The following REEP3 variants were observed in gnomAD, a reference collection of about 807,000 sequenced individuals.
REEP3 encodes the protein receptor expression-enhancing protein 3.
REEP3 carries 20 observed loss-of-function variants against 41.3 expected under a neutral mutation model. The observed-to-expected ratio is 0.48, with a 90% CI of 0.34 to 0.70. The LOEUF (loss-of-function observed/expected upper bound fraction) is 0.70. REEP3 is among the 30% of genes least tolerant of loss of function. REEP3 has a pLI of 0.01. For synonymous variants in REEP3, 104 were observed against 101.8 expected (o/e 1.02, Z -0.13); for missense variants, 271 against 308.8 (o/e 0.88, Z 0.92).
intron 1 of REEP3, among the ~76,000 whole-genome samples, chr10:63,543,748 G>C (rs1036992401): frequency 1.3e-5 from 2 of 152,086 alleles, no homozygotes; most frequent in Non-Finnish European, 2.9e-5. Flanking sequence ...CACAGTTTCC[G>C]TTTTAAAGCA....
At chr10:63,581,881 T>A (rs1589875510) in intron 2 of REEP3, among the ~76,000 whole-genome samples, 1 of 151,812 alleles carries the variant, frequency 6.6e-6, no homozygotes, top group South Asian at 2.1e-4. Context: ...TTTTTTTTTT[T>A]AGCTTTTTGG....
intron 1 of REEP3, among the ~76,000 whole-genome samples, chr10:63,532,818 T>C (rs2133342057): frequency 6.6e-6 from 1 of 151,826 alleles, no homozygotes; most frequent in South Asian, 2.1e-4. Context: ...GGTGGAAGGA[T>C]CCCTTGAGCC....
chr10:63,532,784 G>A (rs1033591315), intron 1 of REEP3, among the ~76,000 whole-genome samples: 1 of 152,112 alleles, frequency 6.6e-6, no homozygotes, highest in Non-Finnish European at 1.5e-5. Context: ...TGCAGTCCCA[G>A]CTACTCAGTA....
At chr10:63,619,612 G>GT in intron 6 of REEP3, 43 bp from the exon 7 acceptor site, 1 of 1,561,042 alleles carries the variant, frequency 6.4e-7, no homozygotes, top group Non-Finnish European at 8.7e-7. Context: ...GCGCTGACTG[G>GT]TGTCCTTTTA....
chr10:63,598,175 T>G (rs1282948377), intron 4 of REEP3, 31 bp downstream of exon 4: 9 of 1,500,412 alleles, frequency 6.0e-6, no homozygotes, highest in Non-Finnish European at 8.2e-6. Flanking sequence ...CCGTAAATAA[T>G]TTTTTAGAAA....
At chr10:63,577,510 A>G (rs1955908203) in intron 2 of REEP3, among the ~76,000 whole-genome samples, 1 of 151,620 alleles carries the variant, frequency 6.6e-6, no homozygotes, top group South Asian at 2.1e-4. Context: ...TGCAAGCTCC[A>G]CCTCCTGGGT....
chr10:63,540,269 C>T (rs1190917163), intron 1 of REEP3, among the ~76,000 whole-genome samples: 1 of 152,130 alleles, frequency 6.6e-6, no homozygotes, highest in Non-Finnish European at 1.5e-5. Context: ...ATTTATATTT[C>T]CAGTTAGTAT....
At chr10:63,572,885 T>G (rs2133381470) in intron 2 of REEP3, among the ~76,000 whole-genome samples, 1 of 152,356 alleles carries the variant, frequency 6.6e-6, no homozygotes, top group South Asian at 2.1e-4. Context: ...TATCAAATAT[T>G]GTGCTTAATA....
At chr10:63,551,366 G>A (rs555661683) in intron 1 of REEP3, among the ~76,000 whole-genome samples, 13 of 152,244 alleles carry the variant, frequency 8.5e-5, no homozygotes, top group Admixed American at 6.5e-4. Context: ...ATAAATAAAT[G>A]AATACAGGAG....
In REEP3 at chr10:63,562,273, T is replaced by A. The variant is rs989464024; in HGVS notation, c.33-4065T>A. Among the ~76,000 whole-genome samples the A allele has an allele frequency of 5.9e-5, 9 of 151,576 alleles. No individual in the cohort carries two copies. The East Asian group carries it at 1.7e-3, about 29-fold the overall frequency. ...AGGCAGAGTTTTTTTTTTTTTTTTT[T>A]AGAGACGGAGTCTTACTCTGTCGCC... On this transcript the variant is annotated intron_variant, in intron 1 of 7. Transcript: ENST00000373758.
intron 1 of REEP3, among the ~76,000 whole-genome samples, chr10:63,540,582 A>T (rs1955519410): frequency 6.6e-6 from 1 of 152,214 alleles, no homozygotes; most frequent in African/African-American, 2.4e-5. Flanking sequence ...CTACCATAGC[A>T]GAAAGACAGA....
At position 63,623,857 on chromosome 10, in the gene REEP3, T is replaced by C. The variant is rs1278271024; in HGVS notation, c.*2988T>C. Reference sequence around the variant, plus strand: ...GATTATAAATACTTGACTACACTGATTGATGGGACAAAATGATTAAAGTAT... The same window carrying C: ...GATTATAAATACTTGACTACACTGACTGATGGGACAAAATGATTAAAGTAT... On this transcript the variant is annotated 3_prime_UTR_variant, in exon 8 of 8. Transcript: ENST00000373758. 1 of 153,958 alleles carries C rather than the reference T, an allele frequency of 6.5e-6. No individual in the cohort carries two copies. The highest frequency in any genetic ancestry group is 6.6e-5 in the Admixed American group (1 of 15,212). The allele number at this position is 153,958 out of a possible 1,614,324, so 9.5% of individuals were successfully genotyped here. A position where few individuals can be genotyped will look rare whatever the true frequency, so the allele number is the denominator to read the frequency against.
At position 63,522,817 on chromosome 10, in the gene REEP3, TC is replaced by T. The variant is rs531878470; in HGVS notation, c.32+1244del. On this transcript the variant is annotated intron_variant, in intron 1 of 7. Coordinates refer to ENST00000373758, the MANE Select transcript of REEP3 (RefSeq NM_001001330.3). ...TTTAAAGCCTCAGAGCTTCCTGTGT[TC>T]CCCTGTACGAAACTAAAAATCAAGA... 2.0e-5 allele frequency among the ~76,000 whole-genome samples: 3 copies of T among 152,260 alleles called. No individual in the cohort carries two copies. In the East Asian group the frequency reaches 5.8e-4, roughly 29 times the overall value.
intron 5 of REEP3, among the ~76,000 whole-genome samples, chr10:63,609,645 C>G (rs1956261486): frequency 6.6e-6 from 1 of 152,046 alleles, no homozygotes; most frequent in South Asian, 2.1e-4. Context: ...CCTGTAATCC[C>G]AGCTACTCGG....
At chr10:63,606,288 TC>T (rs373637263) in intron 5 of REEP3, among the ~76,000 whole-genome samples, 17 of 125,134 alleles carry the variant, frequency 1.4e-4, no homozygotes, top group Non-Finnish European at 1.8e-4. Flanking sequence ...TTTCTTTCTT[TC>T]CTTTCTTTCT....
intron 1 of REEP3, among the ~76,000 whole-genome samples, chr10:63,544,155 A>T (rs1338516363): frequency 6.6e-6 from 1 of 152,206 alleles, no homozygotes; most frequent in Non-Finnish European, 1.5e-5. Flanking sequence ...AAAAAATAAT[A>T]TGACTCTCTT....
At position 63,589,785 on chromosome 10, in the gene REEP3, CTTTTTTTTTTT is replaced by C. The variant is rs59658061; in HGVS notation, c.106-4977_106-4967del. Among the ~76,000 whole-genome samples the C allele has an allele frequency of 2.0e-4, 16 of 80,820 alleles. No homozygotes were observed. The Admixed American group carries it at 2.6e-3, about 13-fold the overall frequency. The allele number at this position is 80,820 out of a possible 152,430, so 53.0% of individuals were successfully genotyped here. On this transcript the variant is annotated intron_variant, in intron 2 of 7. Transcript: ENST00000373758. The stretch of plus-strand genomic sequence containing the variant: ...TAATGTACTAAGAACAGCAGAACAT[CTTTTTTTTTTT>C]TTTTTTTTTTTTTTTGGAAACGGAG...
At chr10:63,545,911 A>C (rs746085983) in intron 1 of REEP3, among the ~76,000 whole-genome samples, 2 of 152,146 alleles carry the variant, frequency 1.3e-5, no homozygotes, top group African/African-American at 2.4e-5. Flanking sequence ...GTAACTTGCA[A>C]TTTTAAATAA....
chr10:63,573,496 G>A (rs1955871636), intron 2 of REEP3, among the ~76,000 whole-genome samples: 1 of 152,122 alleles, frequency 6.6e-6, no homozygotes, highest in African/African-American at 2.4e-5. Context: ...TTGGCTAACA[G>A]CACTTACAAA....
Sources: gnomAD v4.1 joint callset for allele counts (sites outside exome capture counted in the v4.1 genomes callset) on GRCh38, gnomAD v4.1.1 for gene constraint, MANE v1.5 for transcripts, NCBI Gene and HGNC (gene_info 2026-07-23, HGNC 2026-07-21) for gene names.